DLGAP1: variants seen among roughly 807,000 people sequenced by gnomAD.
The protein encoded by DLGAP1 is DLG associated protein 1, also known as disks large-associated protein 1.
A neutral mutation model predicts 90.8 loss-of-function variants in DLGAP1; 11 were observed. That is an observed-to-expected ratio of 0.12 (90% CI 0.08 to 0.20). The LOEUF is 0.20. Among genes scored for constraint, DLGAP1 ranks in the 10% least tolerant of loss-of-function variants. The probability of loss-of-function intolerance (pLI) is 1.00; values close to 1 mark genes in which losing one functional copy is unlikely to be tolerated. For synonymous variants in DLGAP1, 558 were observed against 540.7 expected (o/e 1.03, Z -0.44); for missense variants, 1,050 against 1,333.8 (o/e 0.79, Z 3.31).
intron 3 of DLGAP1, chr18:3,993,138 A>G (rs182196151): frequency 6.6e-6 from 1 of 151,988 alleles, no homozygotes; most frequent in East Asian, 1.9e-4. Context: ...AGGAGACAAA[A>G]CCTACTGATG....
intron 9 of DLGAP1, among the ~76,000 whole-genome samples, chr18:3,537,497 T>G (rs2052444334): frequency 1.3e-5 from 2 of 152,244 alleles, no homozygotes; most frequent in South Asian, 4.1e-4. Context: ...CATATTTTGC[T>G]TACCCGTTCT....
chr18:4,202,447 T>C (rs1568448320), intron 1 of DLGAP1, among the ~76,000 whole-genome samples: 1 of 152,118 alleles, frequency 6.6e-6, no homozygotes, highest in Non-Finnish European at 1.5e-5. Flanking sequence ...TTCAATTCAT[T>C]CAAGTAACCC....
chr18:4,028,370 AG>A (rs1264668484), intron 2 of DLGAP1, among the ~76,000 whole-genome samples: 2 of 152,242 alleles, frequency 1.3e-5, no homozygotes, highest in African/African-American at 2.4e-5. Context: ...CTCTGCTCTG[AG>A]GGGGCATCAG....
At chr18:4,037,855 G>T (rs1471739947) in intron 2 of DLGAP1, among the ~76,000 whole-genome samples, 1 of 152,210 alleles carries the variant, frequency 6.6e-6, no homozygotes, top group African/African-American at 2.4e-5. Flanking sequence ...AGCTACTCGG[G>T]AGGCTGAGGC....
intron 3 of DLGAP1, among the ~76,000 whole-genome samples, chr18:3,946,336 C>G (rs1048798449): frequency 7.9e-5 from 12 of 152,130 alleles, no homozygotes; most frequent in African/African-American, 2.7e-4. Flanking sequence ...GGTTCATTTG[C>G]TCACCACGTG....
At chr18:4,436,864 C>T (rs1002089411) in intron 1 of DLGAP1, among the ~76,000 whole-genome samples, 1 of 152,174 alleles carries the variant, frequency 6.6e-6, no homozygotes, top group African/African-American at 2.4e-5. Flanking sequence ...ACATTACTTA[C>T]AGCTCCTGCT....
intron 7 of DLGAP1, among the ~76,000 whole-genome samples, chr18:3,656,704 C>T (rs1405573637): frequency 6.6e-6 from 1 of 151,998 alleles, no homozygotes; most frequent in Non-Finnish European, 1.5e-5. Flanking sequence ...AAGTCAGTAC[C>T]CTTGACTGAT....
intron 7 of DLGAP1, among the ~76,000 whole-genome samples, chr18:3,694,937 TTG>T (rs1243680788): frequency 5.1e-5 from 7 of 136,884 alleles, no homozygotes; most frequent in African/African-American, 1.8e-4. Flanking sequence ...GGTGTTTTTT[TTG>T]TTTTTTTTTT....
intron 1 of DLGAP1, among the ~76,000 whole-genome samples, chr18:4,410,647 A>T (rs1258362119): frequency 6.6e-6 from 1 of 151,438 alleles, no homozygotes; most frequent in Middle Eastern, 3.4e-3. Flanking sequence ...GTATCCGCTG[A>T]TCCAGCAATT....
chr18:4,099,167 T>G (rs1197486864), intron 2 of DLGAP1, among the ~76,000 whole-genome samples: 3 of 152,208 alleles, frequency 2.0e-5, no homozygotes, highest in Admixed American at 6.5e-5. Context: ...TCTAAAGTCT[T>G]AACAAATTTT....
At chr18:3,646,588 A>G (rs1324204694) in intron 7 of DLGAP1, among the ~76,000 whole-genome samples, 1 of 152,190 alleles carries the variant, frequency 6.6e-6, no homozygotes, top group East Asian at 1.9e-4. Flanking sequence ...TTTAGTAAAA[A>G]ACAAATTCAT....
chr18:4,108,421 A>G (rs1249076152), intron 2 of DLGAP1, among the ~76,000 whole-genome samples: 1 of 152,122 alleles, frequency 6.6e-6, no homozygotes, highest in Non-Finnish European at 1.5e-5. Context: ...TTTATATTAA[A>G]TAAGTCTGTA....
At chr18:4,226,301 G>A (rs2078185747) in intron 1 of DLGAP1, among the ~76,000 whole-genome samples, 1 of 152,106 alleles carries the variant, frequency 6.6e-6, no homozygotes, top group Non-Finnish European at 1.5e-5. Context: ...AAAAGCTAAA[G>A]AGAGTTCTTC....
At chr18:4,317,344 C>T (rs2080557878) in intron 1 of DLGAP1, among the ~76,000 whole-genome samples, 1 of 152,082 alleles carries the variant, frequency 6.6e-6, no homozygotes, top group South Asian at 2.1e-4. Flanking sequence ...CTGAGCTGGA[C>T]TTGTAACATG....
At chr18:4,385,041 A>G (rs1021457014) in intron 1 of DLGAP1, among the ~76,000 whole-genome samples, 1 of 152,120 alleles carries the variant, frequency 6.6e-6, no homozygotes, top group Non-Finnish European at 1.5e-5. Flanking sequence ...CATGGAAATA[A>G]TCACTTTAAA....
At chr18:3,622,505 G>A (rs947151694) in intron 7 of DLGAP1, among the ~76,000 whole-genome samples, 4 of 152,172 alleles carry the variant, frequency 2.6e-5, no homozygotes, top group African/African-American at 9.7e-5. Context: ...GAATGTGGGA[G>A]GAGGGAGAGT....
At position 3,879,652 on chromosome 18, in the gene DLGAP1, G is replaced by C. The variant is rs773771005; in HGVS notation, c.417C>G (p.Arg139=). The change falls in exon 4 of 13, where the codon CGC becomes CGG. Residue 139 remains arginine, a synonymous_variant. Transcript: ENST00000315677. This position sits in a 1 kb window ranked among gnomAD's most constrained non-coding sequence, Gnocchi z 6.6. ...EHRSDSPGRI[R]HLVHSVQKLF... is the part of the protein sequence containing the mutation. ...GCTTCTGGACCGAGTGCACCAGGTGGCGGATGCGGCCGGGGCTGTCGCTGC... is the reference window on the plus strand; with the variant it reads ...GCTTCTGGACCGAGTGCACCAGGTGCCGGATGCGGCCGGGGCTGTCGCTGC... 6 of 1,605,698 alleles carry C rather than the reference G, an allele frequency of 3.7e-6. No homozygotes were observed. In the East Asian group the frequency reaches 1.1e-4, roughly 30 times the overall value.
chr18:4,121,018 G>T (rs984148689), intron 2 of DLGAP1, among the ~76,000 whole-genome samples: 3 of 152,168 alleles, frequency 2.0e-5, no homozygotes, highest in Non-Finnish European at 4.4e-5. Flanking sequence ...ATAAACAAAT[G>T]CAAGATGAGT....
At chr18:4,122,420 CTG>C (rs2076167002) in intron 2 of DLGAP1, among the ~76,000 whole-genome samples, 1 of 152,172 alleles carries the variant, frequency 6.6e-6, no homozygotes, top group Admixed American at 6.5e-5. Flanking sequence ...GCCACGATTA[CTG>C]TGTTTTCGCT....
Sources: gnomAD v4.1 joint callset for allele counts (sites outside exome capture counted in the v4.1 genomes callset) on GRCh38, gnomAD v4.1.1 for gene constraint, Gnocchi (gnomAD v3.1) non-coding constraint, MANE v1.5 for transcripts, NCBI Gene and HGNC (gene_info 2026-07-23, HGNC 2026-07-21) for gene names.